The following ATF7 variants were observed in gnomAD, a reference collection of about 807,000 sequenced individuals.
ATF7 encodes activating transcription factor 7, also known as cyclic AMP-dependent transcription factor ATF-7.
In ATF7, 10 loss-of-function variants were observed where a neutral mutation model predicts 50.4. The ratio of observed to expected loss-of-function variants is 0.20; its 90% CI spans 0.12 to 0.34. The LOEUF is 0.34. Ranked by LOEUF, ATF7 falls within the 10% of genes least tolerant of loss-of-function variation. The probability of loss-of-function intolerance (pLI) is 1.00; values close to 1 mark genes in which losing one functional copy is unlikely to be tolerated. For missense variants in ATF7, 465 were observed against 613.9 expected (o/e 0.76, Z 2.56); for synonymous variants, 201 against 226.4 (o/e 0.89, Z 1.01).
chr12:53,550,254 G>A (rs953989783), intron 3 of ATF7, among the ~76,000 whole-genome samples: 2 of 151,434 alleles, frequency 1.3e-5, no homozygotes, highest in East Asian at 2.0e-4. Flanking sequence ...AGCCTGGGAG[G>A]GGGAGGTTGT....
At chr12:53,563,432 A>C (rs1303138091) in intron 2 of ATF7, among the ~76,000 whole-genome samples, 1 of 150,350 alleles carries the variant, frequency 6.7e-6, no homozygotes, top group Non-Finnish European at 1.5e-5. Flanking sequence ...TCTGGGCAAC[A>C]AGGTGAAACC....
intron 9 of ATF7, among the ~76,000 whole-genome samples, chr12:53,526,237 G>T (rs1938459762): frequency 6.8e-6 from 1 of 148,038 alleles, no homozygotes; most frequent in Non-Finnish European, 1.5e-5. Flanking sequence ...GTTATACCAA[G>T]TGTACCTGCT....
At chr12:53,572,393 A>G (rs988684956) in intron 2 of ATF7, among the ~76,000 whole-genome samples, 2 of 152,190 alleles carry the variant, frequency 1.3e-5, no homozygotes, top group Admixed American at 6.6e-5. Context: ...AACCTGAACT[A>G]TAATTGATGA....
At chr12:53,596,041 G>C (rs148252700) in intron 2 of ATF7, among the ~76,000 whole-genome samples, 3 of 152,274 alleles carry the variant, frequency 2.0e-5, no homozygotes, top group African/African-American at 7.2e-5. Flanking sequence ...GCTCATGCCT[G>C]AAATCCCAGC....
chr12:53,542,107 G>GTTTTTTTTTTTTTTTT (rs1199418506), intron 4 of ATF7, among the ~76,000 whole-genome samples: 13 of 101,460 alleles, frequency 1.3e-4, no homozygotes, highest in South Asian at 4.0e-4. Flanking sequence ...CGCCTGGCCT[G>GTTTTTTTTTTTTTTTT]TTTTTTTTTT....
intron 4 of ATF7, among the ~76,000 whole-genome samples, chr12:53,540,478 C>G (rs1939487048): frequency 6.6e-6 from 1 of 151,978 alleles, no homozygotes; most frequent in Non-Finnish European, 1.5e-5. Context: ...AATCCCAGCA[C>G]TTTGGGAGGC....
In ATF7 at chr12:53,524,696, T is replaced by A; in HGVS notation, c.993A>T (p.Pro331=). The change falls in exon 10 of 12, where the codon CCA becomes CCT. Residue 331 remains proline (P), a synonymous_variant. Coordinates refer to ENST00000420353, the MANE Select transcript of ATF7 (RefSeq NM_006856.3). This position sits in a 1 kb window ranked among gnomAD's most constrained non-coding sequence, Gnocchi z 4.6. ...GRRRRTVDED[P]DERRQRFLER... The stretch of plus-strand genomic sequence containing the variant: ...CCAGAAAGCGCTGCCGTCGCTCATC[T>A]GGATCTTCATCTACTGTGCGCCGCC... 1 of 1,613,378 alleles carries A rather than the reference T, an allele frequency of 6.2e-7. No individual in the cohort carries two copies. Among genetic ancestry groups the A allele is most frequent in the East Asian group, 2.2e-5 (1 of 44,888 alleles).
chr12:53,521,078 C>T (rs554100539), intron 11 of ATF7, among the ~76,000 whole-genome samples: 4 of 152,084 alleles, frequency 2.6e-5, no homozygotes, highest in African/African-American at 4.8e-5. Context: ...CTGCAACCTC[C>T]GCTTCCCAGG....
rs368611789 is a variant in ATF7 at position 53,561,493 on chromosome 12, G to A, written c.49-8856C>T. 3.7e-4 allele frequency among the ~76,000 whole-genome samples: 57 copies of A among 152,224 alleles called. No individual in the cohort carries two copies. In the South Asian group the frequency reaches 4.8e-3, roughly 13 times the overall value. On this transcript the variant is annotated intron_variant, in intron 2 of 11. Transcript: ENST00000420353. ...CAAGTGATCACATATTCTGAAAGAA[G>A]AAACTGGAAGATCTGTAAAAGTCTT...
chr12:53,558,350 T>C (rs1332405284), intron 2 of ATF7, among the ~76,000 whole-genome samples: 2 of 152,238 alleles, frequency 1.3e-5, no homozygotes, highest in Non-Finnish European at 2.9e-5. Flanking sequence ...AAAATATCAG[T>C]TGTGTTTGTT....
At position 53,570,771 on chromosome 12, in the gene ATF7, GTGTGTA is replaced by G. The variant is rs879598844; in HGVS notation, c.49-18140_49-18135del. Among the ~76,000 whole-genome samples the G allele has an allele frequency of 5.4e-3, 761 of 142,060 alleles. 5 individuals are homozygous for G. The highest frequency in any genetic ancestry group is 0.033 in the East Asian group (156 of 4,778). The allele number at this position is 142,060 out of a possible 152,430, so 93.2% of individuals were successfully genotyped here. A position where few individuals can be genotyped will look rare whatever the true frequency, so the allele number is the denominator to read the frequency against. ...TGTGTGTGTGTGTGTGTGTGTGTGTGTGTGTATGTCCAATTTCCTCTTTTTATAGGA... is the reference window on the plus strand; with the variant it reads ...TGTGTGTGTGTGTGTGTGTGTGTGTGTGTCCAATTTCCTCTTTTTATAGGA... On this transcript the variant is annotated intron_variant, in intron 2 of 11. Coordinates refer to ENST00000420353, the MANE Select transcript of ATF7 (RefSeq NM_006856.3).
chr12:53,593,910 C>G (rs1943048279), intron 2 of ATF7, among the ~76,000 whole-genome samples: 2 of 152,200 alleles, frequency 1.3e-5, no homozygotes, highest in Non-Finnish European at 2.9e-5. Context: ...GAGGCCCTAA[C>G]AAGGGCTTCA....
At chr12:53,614,613 A>G (rs1944036115) in intron 1 of ATF7, among the ~76,000 whole-genome samples, 1 of 152,206 alleles carries the variant, frequency 6.6e-6, no homozygotes, top group Non-Finnish European at 1.5e-5. Flanking sequence ...TCACTGAGAC[A>G]CTTAGAAGTT....
intron 1 of ATF7, among the ~76,000 whole-genome samples, chr12:53,606,796 A>T (rs955295261): frequency 7.3e-6 from 1 of 136,756 alleles, no homozygotes; most frequent in African/African-American, 2.8e-5. Context: ...TCCCACCTAT[A>T]AGTGAGAACA....
At chr12:53,625,371 C>T (rs947117157) in intron 1 of ATF7, among the ~76,000 whole-genome samples, 1 of 152,138 alleles carries the variant, frequency 6.6e-6, no homozygotes, top group Non-Finnish European at 1.5e-5. Flanking sequence ...AGGCTGGTCA[C>T]CAGTCTGGGT....
intron 3 of ATF7, among the ~76,000 whole-genome samples, chr12:53,546,641 G>A (rs1565940419): frequency 6.6e-6 from 1 of 151,762 alleles, no homozygotes; most frequent in East Asian, 1.9e-4. Context: ...GTAGAGACAG[G>A]GTTTCACAAT....
At chr12:53,610,027 G>T (rs1446597284) in intron 1 of ATF7, among the ~76,000 whole-genome samples, 14 of 151,726 alleles carry the variant, frequency 9.2e-5, no homozygotes, top group Non-Finnish European at 4.4e-5. Flanking sequence ...ATGTTAGCCA[G>T]GCTGGTTTCG....
chr12:53,527,566 T>C (rs1694764738), intron 9 of ATF7, among the ~76,000 whole-genome samples: 2 of 151,994 alleles, frequency 1.3e-5, no homozygotes, highest in Non-Finnish European at 2.9e-5. Flanking sequence ...AGGTGGTCAC[T>C]TGAGGCCATG....
At chr12:53,607,682 C>A (rs995385630) in intron 1 of ATF7, among the ~76,000 whole-genome samples, 1 of 151,864 alleles carries the variant, frequency 6.6e-6, no homozygotes, top group Non-Finnish European at 1.5e-5. Flanking sequence ...ATTGTACATG[C>A]ACCATAATTG....
Sources: allele counts gnomAD v4.1 joint callset (sites outside exome capture counted in the v4.1 genomes callset), GRCh38; gene constraint gnomAD v4.1.1; non-coding constraint Gnocchi (gnomAD v3.1); transcripts MANE v1.5; gene names NCBI Gene and HGNC (gene_info 2026-07-23, HGNC 2026-07-21).